The following STAG1 variants were observed in gnomAD, a reference collection of about 807,000 sequenced individuals.
STAG1 encodes the protein cohesin subunit SA-1.
In STAG1, 26 loss-of-function variants were observed where a neutral mutation model predicts 170.9. That is an observed-to-expected ratio of 0.15 (90% CI 0.11 to 0.21). STAG1 has a LOEUF of 0.21. Among genes scored for constraint, STAG1 ranks in the 10% least tolerant of loss-of-function variants. The pLI, the probability that STAG1 is intolerant of heterozygous loss-of-function variation, is 1.00. For missense variants in STAG1, 964 were observed against 1,509.5 expected (o/e 0.64, Z 5.99); for synonymous variants, 514 against 497.7 (o/e 1.03, Z -0.44).
intron 14 of STAG1, among the ~76,000 whole-genome samples, chr3:136,451,411 A>C (rs1190030753): frequency 6.6e-6 from 1 of 152,208 alleles, no homozygotes. Flanking sequence ...GACAATTTTC[A>C]AAAACTGTTT....
chr3:136,725,141 G>A (rs530782724), intron 1 of STAG1, among the ~76,000 whole-genome samples: 2 of 151,944 alleles, frequency 1.3e-5, no homozygotes, highest in Non-Finnish European at 2.9e-5. Context: ...ATTTTTTCCC[G>A]TATTTTAAAT....
intron 1 of STAG1, among the ~76,000 whole-genome samples, chr3:136,676,933 T>C (rs1400397677): frequency 6.6e-6 from 1 of 152,052 alleles, no homozygotes; most frequent in African/African-American, 2.4e-5. Context: ...CTACACAGGG[T>C]CAGGATCATC....
intron 1 of STAG1, among the ~76,000 whole-genome samples, chr3:136,715,165 T>C (rs1943504909): frequency 2.1e-5 from 2 of 94,420 alleles, no homozygotes; most frequent in South Asian, 5.7e-4. Flanking sequence ...ATGTGGGGTT[T>C]TTTAACTTTT....
chr3:136,498,210 T>TTATATATA lies in STAG1; in HGVS notation c.902+2005_902+2012dup, dbSNP rs374645920. On this transcript the variant is annotated intron_variant, in intron 9 of 33. Transcript: ENST00000383202. ...TCCATCTTAAAAAAAAAAAAAAAAA[T>TTATATATA]TATATATATATATATATATATATAC... is the stretch of plus-strand genomic sequence containing the variant. Among the ~76,000 whole-genome samples, 85 of 50,770 alleles carry TTATATATA rather than the reference T, an allele frequency of 1.7e-3. 5 individuals are homozygous for TTATATATA. The highest frequency in any genetic ancestry group is 8.9e-3 in the East Asian group (1 of 112). The allele number at this position is 50,770 out of a possible 152,430, so 33.3% of individuals were successfully genotyped here. A position where few individuals can be genotyped will look rare whatever the true frequency, so the allele number is the denominator to read the frequency against.
At chr3:136,417,810 G>C (rs7340530) in intron 21 of STAG1, 75 bp downstream of exon 21, 1 of 1,066,636 alleles carries the variant, frequency 9.4e-7, no homozygotes, top group Non-Finnish European at 1.4e-6. Flanking sequence ...TTCTATAAAA[G>C]GCTTCTGATA....
At chr3:136,468,259 G>C (rs150651064) in intron 12 of STAG1, among the ~76,000 whole-genome samples, 9,636 of 152,002 alleles carry the variant, frequency 0.063, 385 homozygotes, top group Non-Finnish European at 0.087. Context: ...TAGACCACTA[G>C]CAAGACTAAT....
chr3:136,501,464 T>C (rs180876084), intron 8 of STAG1, among the ~76,000 whole-genome samples: 10 of 152,216 alleles, frequency 6.6e-5, no homozygotes, highest in Admixed American at 3.9e-4. Context: ...GGGAATAAAT[T>C]TGGGGACAAA....
At chr3:136,612,042 T>C (rs1939318960) in intron 3 of STAG1, among the ~76,000 whole-genome samples, 1 of 151,918 alleles carries the variant, frequency 6.6e-6, no homozygotes. Flanking sequence ...AGAGACTGGG[T>C]TTCACTGTGT....
chr3:136,725,476 CA>C (rs548115493), intron 1 of STAG1, among the ~76,000 whole-genome samples: 16 of 151,664 alleles, frequency 1.1e-4, no homozygotes, highest in South Asian at 2.1e-4. Flanking sequence ...CAGAAAGGCA[CA>C]AAAAAAATCT....
At chr3:136,584,503 C>T (rs557290674) in intron 4 of STAG1, among the ~76,000 whole-genome samples, 2 of 152,350 alleles carry the variant, frequency 1.3e-5, no homozygotes, top group African/African-American at 4.8e-5. Flanking sequence ...CACTCCTCCA[C>T]CTTGTGATAG....
chr3:136,526,574 T>G (rs1219556792), intron 6 of STAG1, among the ~76,000 whole-genome samples: 1 of 152,232 alleles, frequency 6.6e-6, no homozygotes, highest in African/African-American at 2.4e-5. Context: ...GTCTTTTAAT[T>G]GGAGCATTTA....
chr3:136,596,229 G>C (rs539207405), intron 4 of STAG1, among the ~76,000 whole-genome samples: 1 of 152,302 alleles, frequency 6.6e-6, no homozygotes, highest in East Asian at 1.9e-4. Flanking sequence ...TTCATGAAAG[G>C]AAGAGTCAAC....
At position 136,648,299 on chromosome 3, in the gene STAG1, A is replaced by C. The variant is rs560525132; in HGVS notation, c.-83-17318T>G. Among the ~76,000 whole-genome samples, 4 of 152,344 alleles carry C rather than the reference A, an allele frequency of 2.6e-5. No homozygotes were observed. The South Asian group carries it at 8.3e-4, about 32-fold the overall frequency. The stretch of plus-strand genomic sequence containing the variant: ...GTATTCCCTTCTCCCAAACTCCTCA[A>C]ACACTCCCCAATCCTTGCTCCTCAA... On this transcript the variant is annotated intron_variant, in intron 1 of 33. Coordinates refer to ENST00000383202, the MANE Select transcript of STAG1 (RefSeq NM_005862.3).
intron 6 of STAG1, among the ~76,000 whole-genome samples, chr3:136,529,937 A>C (rs566708995): frequency 6.2e-4 from 94 of 152,332 alleles, no homozygotes; most frequent in African/African-American, 2.2e-3. Flanking sequence ...TAAAAAGACA[A>C]AGACCAGATG....
chr3:136,353,476 C>G (rs1936512484), intron 28 of STAG1, among the ~76,000 whole-genome samples: 1 of 152,158 alleles, frequency 6.6e-6, no homozygotes, highest in African/African-American at 2.4e-5. Flanking sequence ...AAAAGTAATT[C>G]ACTACATACA....
intron 4 of STAG1, among the ~76,000 whole-genome samples, chr3:136,601,841 A>C (rs962798201): frequency 2.6e-5 from 4 of 152,254 alleles, no homozygotes; most frequent in Admixed American, 1.3e-4. Flanking sequence ...TTCTCCAAAA[A>C]AAAAAAGTTT....
chr3:136,507,423 G>A (rs532517398), intron 7 of STAG1, among the ~76,000 whole-genome samples: 1 of 152,194 alleles, frequency 6.6e-6, no homozygotes, highest in African/African-American at 2.4e-5. Flanking sequence ...GAGCACAGTG[G>A]TGCAATCACA....
At chr3:136,682,039 A>G (rs1942353858) in intron 1 of STAG1, among the ~76,000 whole-genome samples, 1 of 152,212 alleles carries the variant, frequency 6.6e-6, no homozygotes, top group Admixed American at 6.5e-5. Context: ...CTAGGCAGGA[A>G]AATGAAATAA....
At chr3:136,655,730 C>T (rs1941350192) in intron 1 of STAG1, among the ~76,000 whole-genome samples, 1 of 151,626 alleles carries the variant, frequency 6.6e-6, no homozygotes, top group Non-Finnish European at 1.5e-5. Flanking sequence ...ACCATCTGCA[C>T]TCCAGCCTGG....
Sources: gnomAD v4.1 joint callset for allele counts (sites outside exome capture counted in the v4.1 genomes callset) on GRCh38, gnomAD v4.1.1 for gene constraint, MANE v1.5 for transcripts, NCBI Gene and HGNC (gene_info 2026-07-23, HGNC 2026-07-21) for gene names.